MRC2: variants seen among roughly 807,000 people sequenced by gnomAD.
MRC2 encodes the protein mannose receptor C-type 2.
Under a neutral mutation model 206.2 loss-of-function variants are expected in MRC2, and 84 were observed. That is an observed-to-expected ratio of 0.41 (90% CI 0.34 to 0.49). The LOEUF is 0.49. MRC2 is among the 20% of genes least tolerant of loss of function. The probability of loss-of-function intolerance (pLI) is 0.31; values close to 1 mark genes in which losing one functional copy is unlikely to be tolerated. For missense variants in MRC2, 1,676 were observed against 2,001.5 expected (o/e 0.84, Z 3.10); for synonymous variants, 798 against 800.0 (o/e 1.00, Z 0.04).
chr17:62,690,332 A>G (rs1417778117), intron 26 of MRC2, 27 bp downstream of exon 26: 2 of 1,584,570 alleles, frequency 1.3e-6, no homozygotes, highest in Middle Eastern at 1.8e-4. Context: ...GAGCCCACAC[A>G]TGGCGGGCAG....
intron 1 of MRC2, among the ~76,000 whole-genome samples, chr17:62,646,476 A>G (rs2088487194): frequency 6.6e-6 from 1 of 152,154 alleles, no homozygotes; most frequent in South Asian, 2.1e-4. Flanking sequence ...TCTCATTGTC[A>G]CTGATAGAAG....
At chr17:62,670,320 T>A (rs544520919) in intron 6 of MRC2, among the ~76,000 whole-genome samples, 4 of 152,296 alleles carry the variant, frequency 2.6e-5, no homozygotes, top group African/African-American at 9.6e-5. Context: ...TAAAATCCGC[T>A]TGTCTGGGGC....
chr17:62,655,067 C>T (rs1344927047), intron 1 of MRC2, among the ~76,000 whole-genome samples: 2 of 152,180 alleles, frequency 1.3e-5, no homozygotes, highest in Non-Finnish European at 2.9e-5. Flanking sequence ...AGGCGGATCA[C>T]GAGGTCAGGA....
chr17:62,680,291 T>C lies in MRC2; in HGVS notation c.2420T>C (p.Ile807Thr). 1 of 1,613,882 alleles carries C rather than the reference T, an allele frequency of 6.2e-7. No individual in the cohort carries two copies. Among genetic ancestry groups the C allele is most frequent in the South Asian group, 1.1e-5 (1 of 91,078 alleles). ...AMQCDTQLDW[I>T]CKIPRGTDVR... ...CAGTGCGACACACAGCTGGACTGGA[T>C]CTGCAAGATCCCCAGAGGTTGGCCG... is the stretch of plus-strand genomic sequence containing the variant. The change falls in exon 15 of 30, where the codon ATC becomes ACC. Residue 807 changes from isoleucine (I) to threonine (T), a missense_variant. Physicochemically the swap from Ile to Thr is moderately conservative, Grantham distance 89. This residue lies in a region of MRC2 where 1,354 missense variants were observed against 1,636.6 expected (regional missense o/e 0.83). Transcript: ENST00000303375. The surrounding 1 kb of genome is among the most constrained non-coding windows in gnomAD (Gnocchi z 4.8).
chr17:62,663,917 A>G lies in MRC2; in HGVS notation c.119-631A>G, dbSNP rs2147462648. 3.3e-5 allele frequency among the ~76,000 whole-genome samples: 5 copies of G among 151,724 alleles called. No homozygotes were observed. The East Asian group carries it at 9.7e-4, about 29-fold the overall frequency. ...CTCCACTCCTCCTCATAAAATCTTC[A>G]GAAAAGTATACAGGTGATGTGCCGG... On this transcript the variant is annotated intron_variant, in intron 1 of 29. Transcript: ENST00000303375.
chr17:62,642,843 T>C (rs1210009661), intron 1 of MRC2, among the ~76,000 whole-genome samples: 1 of 152,032 alleles, frequency 6.6e-6, no homozygotes, highest in Non-Finnish European at 1.5e-5. Flanking sequence ...AGCCAAAAAC[T>C]AAAAACTAGT....
rs1364396239 is a variant in MRC2, at chr17:62,671,746, G to A, written c.1215G>A (p.Glu405=). 1.9e-6 allele frequency: 3 copies of A among 1,613,406 alleles called. No homozygotes were observed. The East Asian group carries it at 6.7e-5, about 36-fold the overall frequency. Residue 405 remains glutamate, a synonymous_variant, in exon 7 of 30, where the codon GAG becomes GAA. Transcript: ENST00000303375. The surrounding 1 kb of genome is among the most constrained non-coding windows in gnomAD (Gnocchi z 4.5). ...RLQAEKRSWQ[E]SKKACLRGGG... ...AGGCCGAGAAGCGCAGCTGGCAGGA[G>A]TCCAAGAAGGCATGTCTACGGGGCG...
At chr17:62,687,886 A>C (rs1011496968) in intron 20 of MRC2, among the ~76,000 whole-genome samples, 1 of 152,108 alleles carries the variant, frequency 6.6e-6, no homozygotes, top group African/African-American at 2.4e-5. Flanking sequence ...CTGTCTTGAA[A>C]AAAAAAAAAG....
In MRC2 at chr17:62,675,712, C is replaced by T; in HGVS notation, c.1570-78C>T. 8 of 1,152,718 alleles carry T rather than the reference C, an allele frequency of 6.9e-6. No individual in the cohort carries two copies. Among genetic ancestry groups the T allele is most frequent in the Non-Finnish European group, 1.0e-5 (8 of 767,602 alleles). 71.4% of individuals were successfully genotyped at this position (1,152,718 alleles called of 1,614,324 possible). On this transcript the variant is annotated intron_variant, in intron 9 of 29. Transcript: ENST00000303375. The surrounding 1 kb of genome is among the most constrained non-coding windows in gnomAD (Gnocchi z 4.1). ...TTCAGTGATGTCCCTGATGGCATCT[C>T]CCACCACAGGATTTATGGGTGAGGG... is the stretch of plus-strand genomic sequence containing the variant.
At chr17:62,677,165 C>A in intron 11 of MRC2, 104 bp from the exon 12 acceptor site, 1 of 951,070 alleles carries the variant, frequency 1.1e-6, no homozygotes, top group Non-Finnish European at 1.6e-6. Flanking sequence ...GGTGGCCAAG[C>A]TGGTTCCCAG....
chr17:62,691,187 C>A, intron 28 of MRC2, 59 bp downstream of exon 28: 1 of 1,515,342 alleles, frequency 6.6e-7, no homozygotes, highest in Non-Finnish European at 8.8e-7. Flanking sequence ...TGGTCCTGGG[C>A]TGGGGCTGGG....
chr17:62,646,321 G>C (rs1043051919), intron 1 of MRC2, among the ~76,000 whole-genome samples: 2 of 151,898 alleles, frequency 1.3e-5, no homozygotes, highest in Admixed American at 1.3e-4. Flanking sequence ...ACCGCGCCCG[G>C]CCCCCTCTCT....
chr17:62,631,562 G>A (rs1202738343), intron 1 of MRC2, among the ~76,000 whole-genome samples: 2 of 152,000 alleles, frequency 1.3e-5, no homozygotes, highest in African/African-American at 4.8e-5. Flanking sequence ...TGTTCTCCCC[G>A]CCCCCATAAC....
At chr17:62,663,130 T>A (rs557164231) in intron 1 of MRC2, among the ~76,000 whole-genome samples, 1 of 152,124 alleles carries the variant, frequency 6.6e-6, no homozygotes, top group African/African-American at 2.4e-5. Flanking sequence ...TTACTGGGCG[T>A]GGGACACTGG....
chr17:62,666,473 T>A lies in MRC2; in HGVS notation c.713T>A (p.Phe238Tyr), dbSNP rs1316484883. Reference sequence around the variant, plus strand: ...GTGGCAGGTAACGACTGCGAGACCTTCTGGGACAAGGACCAGCTGACTGAC... The same window carrying A: ...GTGGCAGGTAACGACTGCGAGACCTACTGGGACAAGGACCAGCTGACTGAC... ...CPIKSNDCET[F>Y]WDKDQLTDSC... The change falls in exon 4 of 30, where the codon TTC becomes TAC. Residue 238 changes from phenylalanine to tyrosine, a missense_variant. By Grantham distance (22) the Phe-to-Tyr change is conservative. Coordinates refer to ENST00000303375, the MANE Select transcript of MRC2 (RefSeq NM_006039.5). The surrounding 1 kb of genome is among the most constrained non-coding windows in gnomAD (Gnocchi z 5.0). The A allele has an allele frequency of 6.2e-7, 1 of 1,613,956 alleles. No homozygotes were observed. The highest frequency in any genetic ancestry group is 1.7e-5 in the Admixed American group (1 of 60,014).
At chr17:62,643,097 G>A (rs2088427382) in intron 1 of MRC2, among the ~76,000 whole-genome samples, 1 of 152,132 alleles carries the variant, frequency 6.6e-6, no homozygotes, top group Non-Finnish European at 1.5e-5. Flanking sequence ...GGAGTCCAAG[G>A]CAGGTGGATC....
chr17:62,689,885 C>T lies in MRC2; in HGVS notation c.3574-9C>T, dbSNP rs762242167. 6.3e-7 allele frequency: 1 copy of T among 1,583,564 alleles called. No individual in the cohort carries two copies. Among genetic ancestry groups the T allele is most frequent in the Non-Finnish European group, 8.6e-7 (1 of 1,165,686 alleles). ...CCCTTCCTCCCACCCCATGGCCCCC[C>T]ATGCCCAGGGCTCTCGGCGGTACTC... On this transcript the variant is annotated splice_polypyrimidine_tract_variant and intron_variant, in intron 24 of 29. Coordinates refer to ENST00000303375, the MANE Select transcript of MRC2 (RefSeq NM_006039.5).
At chr17:62,677,681 A>G (rs1269301346) in intron 12 of MRC2, among the ~76,000 whole-genome samples, 195 bp downstream of exon 12, 2 of 152,218 alleles carry the variant, frequency 1.3e-5, no homozygotes, top group Non-Finnish European at 2.9e-5. Context: ...AGGGAACCAC[A>G]GATCATTGAT....
At chr17:62,657,600 T>A (rs943947066) in intron 1 of MRC2, among the ~76,000 whole-genome samples, 8 of 143,406 alleles carry the variant, frequency 5.6e-5, no homozygotes. Context: ...CTCCCTGCAC[T>A]GACACCTGAT....
Sources: gnomAD v4.1 joint callset for allele counts (sites outside exome capture counted in the v4.1 genomes callset) on GRCh38, gnomAD v4.1.1 for gene constraint, gnomAD v4.1.1 regional missense constraint, Gnocchi (gnomAD v3.1) non-coding constraint, MANE v1.5 for transcripts, NCBI Gene and HGNC (gene_info 2026-07-23, HGNC 2026-07-21) for gene names.